The following ANKS1B variants were observed in gnomAD, a reference collection of about 807,000 sequenced individuals.
ANKS1B encodes the protein ankyrin repeat and sterile alpha motif domain containing 1B, also known as ankyrin repeat and sterile alpha motif domain-containing protein 1B.
Under a neutral mutation model 148.3 loss-of-function variants are expected in ANKS1B, and 36 were observed. That is an observed-to-expected ratio of 0.24 (90% CI 0.19 to 0.32). The LOEUF (loss-of-function observed/expected upper bound fraction) is 0.32. ANKS1B is among the 10% of genes least tolerant of loss of function. ANKS1B has a pLI of 1.00. For missense variants in ANKS1B, 1,157 were observed against 1,542.6 expected, an observed-to-expected ratio of 0.75 and a Z score of 4.19; for synonymous variants, 542 against 560.8, an observed-to-expected ratio of 0.97 and a Z score of 0.47.
chr12:98,905,266 T>C (rs564375506), intron 17 of ANKS1B, among the ~76,000 whole-genome samples: 2 of 152,350 alleles, frequency 1.3e-5, no homozygotes, highest in South Asian at 2.1e-4. Flanking sequence ...GGCAAGCTAC[T>C]ATGAAGCTGG....
chr12:98,913,202 GTCAGATGT>G (rs1356555710), intron 17 of ANKS1B, among the ~76,000 whole-genome samples: 3 of 152,082 alleles, frequency 2.0e-5, no homozygotes, highest in Non-Finnish European at 1.5e-5. Context: ...ATTCATTCCA[GTCAGATGT>G]TCTCCCACCC....
At chr12:99,222,302 T>C (rs1477951851) in intron 14 of ANKS1B, among the ~76,000 whole-genome samples, 1 of 152,202 alleles carries the variant, frequency 6.6e-6, no homozygotes, top group African/African-American at 2.4e-5. Context: ...TTGTATAAAC[T>C]TTTATACTTT....
chr12:99,750,416 C>T (rs2153593927), intron 8 of ANKS1B, among the ~76,000 whole-genome samples: 1 of 152,188 alleles, frequency 6.6e-6, no homozygotes, highest in East Asian at 1.9e-4. Flanking sequence ...GTTTATACTA[C>T]TACCTATAAC....
At chr12:99,350,590 G>C (rs1348178023) in intron 12 of ANKS1B, among the ~76,000 whole-genome samples, 5 of 151,998 alleles carry the variant, frequency 3.3e-5, no homozygotes, top group Non-Finnish European at 5.9e-5. Flanking sequence ...CTAAAAAGTG[G>C]AAAACCATGA....
intron 11 of ANKS1B, among the ~76,000 whole-genome samples, chr12:99,441,217 T>G (rs551210880): frequency 6.6e-6 from 1 of 152,006 alleles, no homozygotes; most frequent in African/African-American, 2.4e-5. Flanking sequence ...TATAGGCTTT[T>G]ATATAAGTTC....
At chr12:99,224,488 G>A (rs2085573455) in intron 14 of ANKS1B, among the ~76,000 whole-genome samples, 1 of 152,076 alleles carries the variant, frequency 6.6e-6, no homozygotes, top group African/African-American at 2.4e-5. Context: ...TTGTTTAAAA[G>A]TATGCAGCAC....
chr12:99,622,232 C>A (rs1401402422), intron 9 of ANKS1B, among the ~76,000 whole-genome samples: 1 of 151,946 alleles, frequency 6.6e-6, no homozygotes, highest in African/African-American at 2.4e-5. Flanking sequence ...CTCTGGGATG[C>A]AGCAAAAGCA....
At chr12:99,190,282 T>C (rs1233734711) in intron 14 of ANKS1B, among the ~76,000 whole-genome samples, 2 of 152,160 alleles carry the variant, frequency 1.3e-5, no homozygotes, top group African/African-American at 2.4e-5. Context: ...AATTTATAGA[T>C]ACAATGCTAT....
intron 9 of ANKS1B, among the ~76,000 whole-genome samples, chr12:99,552,554 C>A (rs926786721): frequency 6.6e-6 from 1 of 152,194 alleles, no homozygotes; most frequent in Admixed American, 6.5e-5. Flanking sequence ...CATCCTGCCA[C>A]ATTGCATTAC....
At chr12:99,777,805 A>T (rs2063811530) in intron 6 of ANKS1B, among the ~76,000 whole-genome samples, 2 of 150,818 alleles carry the variant, frequency 1.3e-5, no homozygotes, top group Non-Finnish European at 1.5e-5. Context: ...GGGATGGTCT[A>T]GATCTCCTGA....
chr12:99,876,498 G>A (rs903790702), intron 1 of ANKS1B, among the ~76,000 whole-genome samples: 19 of 152,110 alleles, frequency 1.2e-4, no homozygotes, highest in Non-Finnish European at 1.5e-4. Flanking sequence ...CGAGGCAGGC[G>A]TATCATTTGA....
At chr12:99,614,892 GA>G (rs36019881) in intron 9 of ANKS1B, among the ~76,000 whole-genome samples, 57 of 148,824 alleles carry the variant, frequency 3.8e-4, no homozygotes, top group African/African-American at 8.1e-4. Flanking sequence ...TCTTCCTCAG[GA>G]AAAAAAAAAA....
intron 17 of ANKS1B, among the ~76,000 whole-genome samples, chr12:98,845,975 TATATACACAC>T (rs1415734671): frequency 1.9e-3 from 184 of 98,600 alleles, no homozygotes; most frequent in Non-Finnish European, 3.4e-3. Flanking sequence ...CATATATATA[TATATACACAC>T]ACACACACAC....
At chr12:99,613,943 A>T (rs1366694978) in intron 9 of ANKS1B, among the ~76,000 whole-genome samples, 1 of 151,940 alleles carries the variant, frequency 6.6e-6, no homozygotes, top group Admixed American at 6.6e-5. Flanking sequence ...AATTTACCCT[A>T]TCCTATTCCA....
intron 17 of ANKS1B, among the ~76,000 whole-genome samples, chr12:98,925,746 C>T (rs919300040): frequency 2.0e-5 from 3 of 152,140 alleles, no homozygotes; most frequent in African/African-American, 7.2e-5. Flanking sequence ...AGGTATGAAG[C>T]TCCCCCAAAA....
chr12:98,744,865 TG>T lies in ANKS1B; in HGVS notation c.*873del. The T allele has an allele frequency of 1.0e-6, 1 of 985,658 alleles. No homozygotes were observed. 61.1% of individuals were successfully genotyped at this position (985,658 alleles called of 1,614,324 possible). On this transcript the variant is annotated 3_prime_UTR_variant, in exon 27 of 27. Coordinates refer to ENST00000683438, the MANE Select transcript of ANKS1B (RefSeq NM_001352186.2). ...AAAACAATCTTGGCAGGCTGATGGC[TG>T]CGTCAGCACTTCCGGGCCTCCTGCT...
intron 8 of ANKS1B, among the ~76,000 whole-genome samples, chr12:99,672,016 G>A (rs2098540579): frequency 6.6e-6 from 1 of 151,994 alleles, no homozygotes; most frequent in Admixed American, 6.6e-5. Context: ...AAGTGGAAAA[G>A]AATTTTTCAG....
At chr12:99,772,126 C>T (rs2063251257) in intron 8 of ANKS1B, among the ~76,000 whole-genome samples, 1 of 151,990 alleles carries the variant, frequency 6.6e-6, no homozygotes, top group Non-Finnish European at 1.5e-5. Context: ...GTTTAAATAT[C>T]TTAATATTAA....
At chr12:99,632,767 A>ATTTTTT (rs1555520394) in intron 9 of ANKS1B, among the ~76,000 whole-genome samples, 3 of 71,316 alleles carry the variant, frequency 4.2e-5, no homozygotes, top group South Asian at 4.5e-4. Context: ...ATATATATAT[A>ATTTTTT]TTTTAATTAT....
Sources: gnomAD v4.1 joint callset for allele counts (sites outside exome capture counted in the v4.1 genomes callset) on GRCh38, gnomAD v4.1.1 for gene constraint, MANE v1.5 for transcripts, NCBI Gene and HGNC (gene_info 2026-07-23, HGNC 2026-07-21) for gene names.